Variants in LSAMP observed in about 807,000 individuals in gnomAD.
LSAMP encodes the protein limbic system-associated membrane protein.
LSAMP carries 7 observed loss-of-function variants against 38.6 expected under a neutral mutation model. The ratio of observed to expected loss-of-function variants is 0.18; its 90% CI spans 0.10 to 0.34. The LOEUF is 0.34. LSAMP is among the 10% of genes least tolerant of loss of function. LSAMP has a pLI of 1.00. For synonymous variants in LSAMP, 154 were observed against 166.8 expected (o/e 0.92, Z 0.59); for missense variants, 313 against 420.0 (o/e 0.75, Z 2.23).
intron 1 of LSAMP, among the ~76,000 whole-genome samples, chr3:116,138,603 G>A (rs896947480): frequency 2.4e-4 from 36 of 152,114 alleles, no homozygotes; most frequent in African/African-American, 6.7e-4. Context: ...GCAGCATTCA[G>A]GATGGCGCTG....
chr3:116,339,099 A>G (rs192613956), intron 1 of LSAMP, among the ~76,000 whole-genome samples: 60 of 152,036 alleles, frequency 3.9e-4, no homozygotes, highest in African/African-American at 1.3e-3. Flanking sequence ...AGGCAGAGGG[A>G]AAATATGAGA....
chr3:116,066,238 T>C (rs1185634890), intron 2 of LSAMP, among the ~76,000 whole-genome samples: 1 of 152,174 alleles, frequency 6.6e-6, no homozygotes, highest in Non-Finnish European at 1.5e-5. Context: ...ACTAATCCCA[T>C]AAGTGAGGGT....
intron 1 of LSAMP, among the ~76,000 whole-genome samples, chr3:116,400,767 A>G (rs147042950): frequency 0.026 from 3,898 of 151,472 alleles, 75 homozygotes; most frequent in Middle Eastern, 0.048. Context: ...GTGAGCCACC[A>G]CTCCCGGCCT....
rs79412700 is a variant in LSAMP at position 116,072,330 on chromosome 3, C to T, written c.388+13994G>A. ...ATGGGCATTTGGGTTGATTCTATGT[C>T]TTTCCTATTGTGAATAGTCTTGCAA... is the stretch of plus-strand genomic sequence containing the variant. On this transcript the variant is annotated intron_variant, in intron 2 of 6. Coordinates refer to ENST00000490035, the MANE Select transcript of LSAMP (RefSeq NM_002338.5). 2.8e-3 allele frequency among the ~76,000 whole-genome samples: 423 copies of T among 152,190 alleles called. 5 individuals carry two copies. Among genetic ancestry groups the T allele is most frequent in the African/African-American group, 9.6e-3 (400 of 41,518 alleles).
chr3:116,413,657 C>T (rs975059293), intron 1 of LSAMP, among the ~76,000 whole-genome samples: 2 of 152,062 alleles, frequency 1.3e-5, no homozygotes, highest in African/African-American at 4.8e-5. Flanking sequence ...TTCCTATGCA[C>T]ATGCAGCAGG....
chr3:116,188,419 G>T (rs1350249458), intron 1 of LSAMP, among the ~76,000 whole-genome samples: 1 of 152,100 alleles, frequency 6.6e-6, no homozygotes, highest in African/African-American at 2.4e-5. Flanking sequence ...GAAGCCCCTT[G>T]GGAGCCATTA....
chr3:115,852,306 C>G (rs1935359057), intron 4 of LSAMP, among the ~76,000 whole-genome samples, 177 bp downstream of exon 4: 1 of 152,184 alleles, frequency 6.6e-6, no homozygotes, highest in African/African-American at 2.4e-5. Flanking sequence ...AGTTGATTTA[C>G]CAAATTCAAA....
chr3:116,164,580 T>TATATATATATAATCCAA (rs1709985386), intron 1 of LSAMP, among the ~76,000 whole-genome samples: 9 of 100,850 alleles, frequency 8.9e-5, no homozygotes, highest in Non-Finnish European at 1.6e-4. Flanking sequence ...CAAATATATA[T>TATATATATATAATCCAA]ATATATATAT....
At chr3:115,891,799 A>T (rs1445446668) in intron 3 of LSAMP, among the ~76,000 whole-genome samples, 1 of 151,942 alleles carries the variant, frequency 6.6e-6, no homozygotes, top group Non-Finnish European at 1.5e-5. Flanking sequence ...CTTCTCTTCC[A>T]TCACACTTCT....
intron 3 of LSAMP, among the ~76,000 whole-genome samples, chr3:115,978,256 C>T (rs1173686729): frequency 1.3e-5 from 2 of 152,020 alleles, no homozygotes; most frequent in Non-Finnish European, 2.9e-5. Context: ...AAGTAAAGGA[C>T]AACTTTGGTA....
intron 1 of LSAMP, among the ~76,000 whole-genome samples, chr3:116,380,367 G>T (rs1321636985): frequency 2.6e-5 from 4 of 151,904 alleles, no homozygotes; most frequent in African/African-American, 9.7e-5. Context: ...CTCATTAAAA[G>T]GTAGTATCTA....
At chr3:116,050,141 G>T (rs933664699) in intron 2 of LSAMP, among the ~76,000 whole-genome samples, 2 of 152,086 alleles carry the variant, frequency 1.3e-5, no homozygotes, top group Non-Finnish European at 2.9e-5. Flanking sequence ...TGATATCTGG[G>T]CATTTATTTC....
At chr3:115,860,866 C>T (rs781451253) in intron 3 of LSAMP, among the ~76,000 whole-genome samples, 13 of 151,962 alleles carry the variant, frequency 8.6e-5, no homozygotes, top group African/African-American at 2.7e-4. Flanking sequence ...TAGAAGTCTC[C>T]GAGCAGGAAA....
At chr3:115,897,943 G>A (rs1353301761) in intron 3 of LSAMP, among the ~76,000 whole-genome samples, 2 of 152,118 alleles carry the variant, frequency 1.3e-5, no homozygotes, top group Non-Finnish European at 2.9e-5. Context: ...CTTCATGTGG[G>A]AGCAGTTCGT....
intron 3 of LSAMP, among the ~76,000 whole-genome samples, chr3:115,994,156 G>T (rs561658286): frequency 3.2e-4 from 49 of 152,210 alleles, no homozygotes; most frequent in Middle Eastern, 6.8e-3. Flanking sequence ...CTGGATGTCA[G>T]TATGGCATCA....
At chr3:116,160,990 C>T (rs539960876) in intron 1 of LSAMP, among the ~76,000 whole-genome samples, 1 of 152,264 alleles carries the variant, frequency 6.6e-6, no homozygotes, top group South Asian at 2.1e-4. Flanking sequence ...TACATATGTG[C>T]TATTCAATGA....
intron 3 of LSAMP, among the ~76,000 whole-genome samples, chr3:115,946,365 G>T (rs965955461): frequency 2.0e-5 from 3 of 152,146 alleles, no homozygotes; most frequent in African/African-American, 7.2e-5. Context: ...TACCAAAGCA[G>T]CCAAGGCGTG....
chr3:116,049,258 G>A (rs1340542350), intron 2 of LSAMP, among the ~76,000 whole-genome samples: 1 of 152,182 alleles, frequency 6.6e-6, no homozygotes, highest in African/African-American at 2.4e-5. Flanking sequence ...GGCCACATAA[G>A]TGGCTGTTAG....
At chr3:116,434,135 C>T (rs1170851239) in intron 1 of LSAMP, among the ~76,000 whole-genome samples, 4 of 152,188 alleles carry the variant, frequency 2.6e-5, no homozygotes, top group African/African-American at 9.7e-5. Flanking sequence ...ACCCCACATC[C>T]ACAATTACTC....
Sources: gnomAD v4.1 joint callset for allele counts (sites outside exome capture counted in the v4.1 genomes callset) on GRCh38, gnomAD v4.1.1 for gene constraint, MANE v1.5 for transcripts, NCBI Gene and HGNC (gene_info 2026-07-23, HGNC 2026-07-21) for gene names.